COX7A2L: variants seen among roughly 807,000 people sequenced by gnomAD.
COX7A2L encodes cytochrome c oxidase subunit 7A2-like, mitochondrial.
A neutral mutation model predicts 14.2 loss-of-function variants in COX7A2L; 18 were observed. The ratio of observed to expected loss-of-function variants is 1.27; its 90% CI spans 0.88 to 1.88. The LOEUF (loss-of-function observed/expected upper bound fraction) is 1.88. Among genes scored for constraint, COX7A2L ranks in the 40% most tolerant of loss-of-function variants. The pLI is 0.00. For missense variants in COX7A2L, 179 were observed against 138.8 expected, an observed-to-expected ratio of 1.29 and a Z score of -1.46; for synonymous variants, 65 against 57.4, an observed-to-expected ratio of 1.13 and a Z score of -0.60.
chr2:42,345,400 C>G (rs1558628251), downstream of COX7A2L, among the ~76,000 whole-genome samples: 2 of 151,994 alleles, frequency 1.3e-5, no homozygotes, highest in African/African-American at 4.8e-5. Context: ...AAAACAAAAA[C>G]AAAATTATTT....
At chr2:42,357,882 C>A (rs191192692) in intron 1 of COX7A2L, among the ~76,000 whole-genome samples, 7 of 152,234 alleles carry the variant, frequency 4.6e-5, no homozygotes, top group Non-Finnish European at 7.3e-5. Flanking sequence ...ACATACTAGG[C>A]CCTTCATGAT....
downstream of COX7A2L, among the ~76,000 whole-genome samples, chr2:42,345,343 A>G (rs112422946): frequency 8.7e-4 from 133 of 152,268 alleles, no homozygotes; most frequent in Non-Finnish European, 7.8e-4. Context: ...AGAATGTACC[A>G]TTGCACTCCA....
chr2:42,360,916 G>C, intron 1 of COX7A2L, 174 bp downstream of exon 1: 1 of 676,846 alleles, frequency 1.5e-6, no homozygotes, highest in South Asian at 1.6e-5. Context: ...TACACAAAAA[G>C]AAGCCTCAGT....
chr2:42,353,192 T>G lies in COX7A2L; in HGVS notation c.204+20A>C, dbSNP rs187958003. 6.2e-7 allele frequency: 1 copy of G among 1,611,316 alleles called. No homozygotes were observed. Among genetic ancestry groups the G allele is most frequent in the South Asian group, 1.1e-5 (1 of 90,296 alleles). ...CTATTTATTTCACAGGCTTTTCTGT[T>G]GTAGAGTATCTTCCCTCACCTGGAA... On this transcript the variant is annotated intron_variant, in intron 2 of 2. Coordinates refer to ENST00000234301, the MANE Select transcript of COX7A2L (RefSeq NM_004718.4).
chr2:42,353,225 T>C lies in COX7A2L; in HGVS notation c.191A>G (p.Gln64Arg), dbSNP rs770592184. ...YAGKNKVPEL[Q>R]KFFQKADGVP... is the part of the protein sequence containing the mutation. Reference sequence around the variant, plus strand: ...ATCTTCCCTCACCTGGAAAAACTTTTGTAGCTCTGGAACTTTGTTTTTCCC... The same window carrying C: ...ATCTTCCCTCACCTGGAAAAACTTTCGTAGCTCTGGAACTTTGTTTTTCCC... The change falls in exon 2 of 3, where the codon CAA (glutamine) becomes CGA (arginine). Residue 64 changes from glutamine (Q) to arginine (R), a missense_variant. By Grantham distance (43) the Gln-to-Arg change is conservative. Coordinates refer to ENST00000234301, the MANE Select transcript of COX7A2L (RefSeq NM_004718.4). The C allele has an allele frequency of 8.7e-6, 14 of 1,613,942 alleles. No individual in the cohort carries two copies. The highest frequency in any genetic ancestry group is 1.2e-5 in the Non-Finnish European group (14 of 1,180,016).
chr2:42,361,814 A>G (rs1201091462), upstream of COX7A2L: 1 of 152,278 alleles, frequency 6.6e-6, no homozygotes, highest in African/African-American at 2.4e-5. Context: ...TCTGCCCAGG[A>G]GTATAGACTT....
chr2:42,342,779 C>G lies in COX7A2L; in HGVS notation c.193-8910G>C, dbSNP rs1670425758. 6.6e-6 allele frequency among the ~76,000 whole-genome samples: 1 copy of G among 151,756 alleles called. No homozygotes were observed. Among genetic ancestry groups the G allele is most frequent in the African/African-American group, 2.4e-5 (1 of 41,090 alleles). ...AAAATATGACCTAAAGAATGCTCTT[C>G]CTGGCCATTCAGCGCCCCCCGTTTC... On this transcript the variant is annotated intron_variant, in intron 2 of 2. Transcript: ENST00000468711. This position sits in a 1 kb window ranked among gnomAD's most constrained non-coding sequence, Gnocchi z 4.9.
chr2:42,339,177 GTAGT>G lies in COX7A2L; in HGVS notation c.193-5312_193-5309del, dbSNP rs534243601. ...AGGAAGTTTTTTTAATCAAATTTTA[GTAGT>G]TAATTACTTTTTTTATTAACCATTA... is the stretch of plus-strand genomic sequence containing the variant. On this transcript the variant is annotated intron_variant, in intron 2 of 2. Transcript: ENST00000468711. This position sits in a 1 kb window ranked among gnomAD's most constrained non-coding sequence, Gnocchi z 5.4. Among the ~76,000 whole-genome samples the G allele has an allele frequency of 5.0e-4, 76 of 152,312 alleles. No individual in the cohort carries two copies. Among genetic ancestry groups the G allele is most frequent in the African/African-American group, 1.6e-3 (68 of 41,566 alleles).
At chr2:42,360,613 T>TA (rs980473164) in intron 1 of COX7A2L, among the ~76,000 whole-genome samples, 2 of 152,112 alleles carry the variant, frequency 1.3e-5, no homozygotes, top group African/African-American at 4.8e-5. Flanking sequence ...ACCCAGATCA[T>TA]AGCCCCCCAA....
upstream of COX7A2L, chr2:42,361,487 T>A (rs377613613): frequency 2.1e-5 from 5 of 236,464 alleles, no homozygotes; most frequent in East Asian, 2.4e-4. Context: ...GCGCAAGCGC[T>A]CCACGGACTA....
intron 1 of COX7A2L, among the ~76,000 whole-genome samples, chr2:42,366,780 A>G (rs1671172687): frequency 6.6e-6 from 1 of 152,244 alleles, no homozygotes; most frequent in Non-Finnish European, 1.5e-5. Context: ...AAGAAAAATT[A>G]TAATCTACAA....
chr2:42,347,594 C>A (rs559374696), downstream of COX7A2L, among the ~76,000 whole-genome samples: 11 of 152,206 alleles, frequency 7.2e-5, no homozygotes, highest in Admixed American at 2.6e-4. Flanking sequence ...GGAAGGTATA[C>A]TAACTACCAT....
chr2:42,351,752 T>C (rs1390447049), intron 2 of COX7A2L, among the ~76,000 whole-genome samples: 1 of 152,210 alleles, frequency 6.6e-6, no homozygotes, highest in Non-Finnish European at 1.5e-5. Context: ...GACAGGCAGA[T>C]GGCTTGAGCC....
At chr2:42,365,990 G>C (rs941570735), upstream of COX7A2L, 2 of 152,204 alleles carry the variant, frequency 1.3e-5, no homozygotes, top group Non-Finnish European at 2.9e-5. Context: ...TTAGTGCCCA[G>C]ACAGCCATGG....
At chr2:42,340,092 G>A (rs1284436318) in intron 2 of COX7A2L, among the ~76,000 whole-genome samples, 1 of 152,100 alleles carries the variant, frequency 6.6e-6, no homozygotes, top group Non-Finnish European at 1.5e-5. Context: ...CAGACCGAAT[G>A]CTTATGGGAT....
At chr2:42,365,613 A>C (rs1342786893), upstream of COX7A2L, 1 of 152,016 alleles carries the variant, frequency 6.6e-6, no homozygotes, top group Non-Finnish European at 1.5e-5. Flanking sequence ...GGCGACAAGA[A>C]CAAAACTCCG....
At chr2:42,354,484 C>A (rs965193306) in intron 1 of COX7A2L, among the ~76,000 whole-genome samples, 1 of 152,152 alleles carries the variant, frequency 6.6e-6, no homozygotes, top group African/African-American at 2.4e-5. Flanking sequence ...TTTCCTTTTA[C>A]AGACAAAGAA....
At chr2:42,361,436 C>A (rs981034710), upstream of COX7A2L, 4 of 374,180 alleles carry the variant, frequency 1.1e-5, no homozygotes, top group African/African-American at 2.1e-5. Context: ...TCCCTCTTTC[C>A]CCCATTCAGA....
chr2:42,360,192 G>C (rs1289019500), intron 1 of COX7A2L, among the ~76,000 whole-genome samples: 1 of 152,202 alleles, frequency 6.6e-6, no homozygotes, highest in African/African-American at 2.4e-5. Flanking sequence ...TAGAGGATTA[G>C]GAGGGAATAT....
Sources: allele counts gnomAD v4.1 joint callset (sites outside exome capture counted in the v4.1 genomes callset), GRCh38; gene constraint gnomAD v4.1.1; non-coding constraint Gnocchi (gnomAD v3.1); transcripts MANE v1.5; gene names NCBI Gene and HGNC (gene_info 2026-07-23, HGNC 2026-07-21).